Variants in DMD observed in about 807,000 individuals in gnomAD.
DMD encodes mutant dystrophin.
DMD carries 63 observed loss-of-function variants against 330.1 expected under a neutral mutation model. The ratio of observed to expected loss-of-function variants is 0.19; its 90% CI spans 0.16 to 0.24. DMD has a LOEUF of 0.24. Ranked by LOEUF, DMD falls within the 10% of genes least tolerant of loss-of-function variation. The pLI is 1.00. For synonymous variants in DMD, 1,223 were observed against 959.8 expected (o/e 1.27, Z -5.07); for missense variants, 3,344 against 2,684.1 (o/e 1.25, Z -5.43).
chrX:31,978,306 T>A (rs1231758094), intron 44 of DMD, among the ~76,000 whole-genome samples: 1 of 110,881 alleles, frequency 9.0e-6, no homozygotes, highest in Non-Finnish European at 1.9e-5. Context: ...TTTTCATTCC[T>A]CCAATCCAAA....
intron 2 of DMD, among the ~76,000 whole-genome samples, chrX:32,887,798 A>G (rs1250929124): frequency 9.7e-6 from 1 of 103,496 alleles, no homozygotes; most frequent in African/African-American, 3.5e-5. Context: ...AGCTTATGAC[A>G]TTGGTCTGGG....
intron 64 of DMD, among the ~76,000 whole-genome samples, chrX:31,210,865 G>C (rs1219179718): frequency 8.9e-6 from 1 of 112,270 alleles, no homozygotes; most frequent in Admixed American, 9.4e-5. Context: ...TACCTATGTA[G>C]GTTTGTGCAA....
Position 33,305,048 on chromosome X carries a change from A to C in DMD, c.7+34211T>G, listed in dbSNP as rs1424239267. ...TCTAGAACTAGAAATACCATTTGAC[A>C]CAGCCATCCCATTACTGGGTATATA... On this transcript the variant is annotated intron_variant, in intron 1 of 17. Coordinates refer to the DMD transcript ENST00000288447. Among the ~76,000 whole-genome samples the C allele has an allele frequency of 1.2e-4, 13 of 106,798 alleles. 1 individual carries two copies. The highest frequency in any genetic ancestry group is 8.4e-4 in the South Asian group (2 of 2,389). 92.7% of individuals were successfully genotyped at this position (106,798 alleles called of 115,157 possible).
At chrX:32,467,385 T>A (rs1331653661) in intron 23 of DMD, among the ~76,000 whole-genome samples, 1 of 111,172 alleles carries the variant, frequency 9.0e-6, no homozygotes, top group African/African-American at 3.3e-5. Context: ...ACTGTTTTTC[T>A]TTAGCTTGAG....
chrX:32,657,199 A>T (rs1244237745), intron 9 of DMD, among the ~76,000 whole-genome samples: 7 of 111,278 alleles, frequency 6.3e-5, no homozygotes, highest in African/African-American at 2.3e-4. Flanking sequence ...TTTCTCATAA[A>T]ATCAAGAAGG....
Position 31,368,629 on chromosome X carries a change from T to G in DMD, c.9085-19995A>C, listed in dbSNP as rs1383305003. Among the ~76,000 whole-genome samples the G allele has an allele frequency of 3.6e-5, 4 of 110,182 alleles. No individual in the cohort carries two copies. In the Admixed American group the frequency reaches 3.8e-4, roughly 11 times the overall value. On this transcript the variant is annotated intron_variant, in intron 60 of 78. Coordinates refer to ENST00000357033, the MANE Select transcript of DMD (RefSeq NM_004006.3). Reference sequence around the variant, plus strand: ...TTCTCTTATTCCTGCTTCTTAGAATTACTTGCACCCAGGTCCCCCCGCCCT... The same window carrying G: ...TTCTCTTATTCCTGCTTCTTAGAATGACTTGCACCCAGGTCCCCCCGCCCT...
chrX:31,559,134 T>G (rs1037931905), intron 55 of DMD, among the ~76,000 whole-genome samples: 2 of 112,398 alleles, frequency 1.8e-5, no homozygotes, highest in Admixed American at 1.9e-4. Flanking sequence ...TCAGCTATTA[T>G]TCAGTAAGTG....
At chrX:32,625,404 C>G (rs992377001) in intron 11 of DMD, among the ~76,000 whole-genome samples, 1 of 111,168 alleles carries the variant, frequency 9.0e-6, no homozygotes, top group East Asian at 2.8e-4. Context: ...ACATAGCTAG[C>G]GGCTGCAATA....
intron 61 of DMD, among the ~76,000 whole-genome samples, chrX:31,344,647 G>A (rs929679378): frequency 9.1e-6 from 1 of 110,224 alleles, no homozygotes; most frequent in Admixed American, 9.8e-5. Context: ...CCACAAGTTC[G>A]AGACCAGCCT....
chrX:32,339,509 A>T (rs2097731127), intron 41 of DMD, among the ~76,000 whole-genome samples: 1 of 111,283 alleles, frequency 9.0e-6, no homozygotes, highest in Admixed American at 9.6e-5. Flanking sequence ...CAATTTGCAG[A>T]TACCCTCTAC....
At position 33,272,992 on chromosome X, in the gene DMD, G is replaced by T. The variant is rs149547302; in HGVS notation, c.7+66267C>A. Among the ~76,000 whole-genome samples the T allele has an allele frequency of 2.0e-3, 222 of 111,664 alleles. 2 individuals are homozygous for T. Among genetic ancestry groups the T allele is most frequent in the African/African-American group, 6.6e-3 (204 of 30,790 alleles). ...CACTGTATTTCCAACACATAGCGTG[G>T]TATCTGACCCTCCCTAAATAATTAT... is the stretch of plus-strand genomic sequence containing the variant. On this transcript the variant is annotated intron_variant, in intron 1 of 17. Transcript: ENST00000288447.
chrX:31,396,094 T>C (rs1260525483), intron 60 of DMD, among the ~76,000 whole-genome samples: 1 of 111,346 alleles, frequency 9.0e-6, no homozygotes, highest in Non-Finnish European at 1.9e-5. Flanking sequence ...TATAGGTATA[T>C]TCTGATACTC....
chrX:31,378,532 C>T (rs769995850), intron 60 of DMD, among the ~76,000 whole-genome samples: 1 of 110,932 alleles, frequency 9.0e-6, no homozygotes, highest in Non-Finnish European at 1.9e-5. Flanking sequence ...TATTTAATCA[C>T]GCGGGGATGC....
chrX:31,781,107 C>T (rs1407545513), intron 50 of DMD, among the ~76,000 whole-genome samples: 1 of 112,026 alleles, frequency 8.9e-6, no homozygotes, highest in Non-Finnish European at 1.9e-5. Flanking sequence ...ACTGCCATCA[C>T]CCCCATCATT....
chrX:32,146,827 C>T (rs1239182153), intron 44 of DMD, among the ~76,000 whole-genome samples: 2 of 111,768 alleles, frequency 1.8e-5, no homozygotes, highest in Non-Finnish European at 3.8e-5. Context: ...CTGCTCTCCC[C>T]ATTTTACAGA....
chrX:31,909,604 CACTT>C (rs1372976924), intron 47 of DMD, among the ~76,000 whole-genome samples: 2 of 110,096 alleles, frequency 1.8e-5, no homozygotes, highest in African/African-American at 3.3e-5. Context: ...AGTTTTCTGT[CACTT>C]ACAGCATTAA....
At chrX:31,835,127 A>G (rs2149488543) in intron 49 of DMD, among the ~76,000 whole-genome samples, 1 of 112,096 alleles carries the variant, frequency 8.9e-6, no homozygotes, top group South Asian at 3.7e-4. Flanking sequence ...TGTTTTATAC[A>G]TAATGAAAGC....
chrX:32,297,449 A>G (rs2097502801), intron 42 of DMD, among the ~76,000 whole-genome samples: 2 of 109,030 alleles, frequency 1.8e-5, no homozygotes, highest in Admixed American at 9.9e-5. Context: ...AATTTTTTGT[A>G]TTTTTAGTAG....
At chrX:33,152,598 T>C (rs913131990) in intron 1 of DMD, among the ~76,000 whole-genome samples, 4 of 110,532 alleles carry the variant, frequency 3.6e-5, no homozygotes, top group African/African-American at 1.3e-4. Flanking sequence ...TTAAAGTGTG[T>C]GGAAGCCCTC....
Sources: gnomAD v4.1 joint callset for allele counts (sites outside exome capture counted in the v4.1 genomes callset) on GRCh38, gnomAD v4.1.1 for gene constraint, MANE v1.5 for transcripts, NCBI Gene and HGNC (gene_info 2026-07-23, HGNC 2026-07-21) for gene names.